Variants in HMGA2 observed in about 807,000 individuals in gnomAD.
The protein encoded by HMGA2 is high mobility group protein HMGI-C.
HMGA2 carries 8 observed loss-of-function variants against 19.1 expected under a neutral mutation model. That is an observed-to-expected ratio of 0.42 (90% CI 0.25 to 0.76). HMGA2 has a LOEUF of 0.76. Among genes scored for constraint, HMGA2 ranks in the 30% least tolerant of loss-of-function variants. The pLI, the probability that HMGA2 is intolerant of heterozygous loss-of-function variation, is 0.28. For synonymous variants in HMGA2, 60 were observed against 48.8 expected (o/e 1.23, Z -0.96); for missense variants, 109 against 136.3 (o/e 0.80, Z 1.00).
intron 2 of HMGA2, among the ~76,000 whole-genome samples, chr12:65,833,846 AT>A (rs1235718725): frequency 3.9e-5 from 6 of 152,194 alleles, no homozygotes; most frequent in Admixed American, 3.3e-4. Context: ...CTGAAGTAAG[AT>A]AATGCTTGGA....
chr12:65,900,702 G>A (rs1874336529), intron 3 of HMGA2, among the ~76,000 whole-genome samples: 1 of 152,146 alleles, frequency 6.6e-6, no homozygotes, highest in South Asian at 2.1e-4. Context: ...CCCAATTTTT[G>A]TAGTACAAGC....
chr12:65,889,443 T>C (rs779749311), intron 3 of HMGA2, among the ~76,000 whole-genome samples: 9 of 152,222 alleles, frequency 5.9e-5, no homozygotes, highest in African/African-American at 4.8e-5. Context: ...ACATATCTAA[T>C]AGGTAAATAT....
At chr12:65,935,105 C>T (rs1003176018) in intron 3 of HMGA2, 4 of 152,092 alleles carry the variant, frequency 2.6e-5, no homozygotes, top group African/African-American at 9.7e-5. Context: ...GGCTTTGCAT[C>T]CTGAAGATAC....
intron 3 of HMGA2, among the ~76,000 whole-genome samples, chr12:65,909,605 A>C (rs1290591787): frequency 3.9e-5 from 6 of 152,172 alleles, no homozygotes; most frequent in Non-Finnish European, 7.3e-5. Flanking sequence ...ACCAACCAAC[A>C]AAGAAAAAAA....
rs1447800018 is a variant in HMGA2 at position 65,893,994 on chromosome 12, A to G, written c.249+55425A>G. On this transcript the variant is annotated intron_variant, in intron 3 of 4. Transcript: ENST00000403681. ...CTTTAGTACTATAAAGAAATGATACATAGAGGGGAGTAAAAACTTGTCTAG... is the reference window on the plus strand; with the variant it reads ...CTTTAGTACTATAAAGAAATGATACGTAGAGGGGAGTAAAAACTTGTCTAG... Among the ~76,000 whole-genome samples the G allele has an allele frequency of 3.4e-4, 52 of 152,202 alleles. 2 individuals are homozygous for G. The highest frequency in any genetic ancestry group is 3.4e-3 in the Admixed American group (52 of 15,280).
chr12:65,953,625 C>G (rs1876526649), intron 4 of HMGA2: 1 of 152,246 alleles, frequency 6.6e-6, no homozygotes, highest in Middle Eastern at 3.4e-3. Context: ...AAAGAAGCCA[C>G]AAGTGGATTG....
intron 3 of HMGA2, among the ~76,000 whole-genome samples, chr12:65,866,638 A>C (rs561771182): frequency 6.6e-6 from 1 of 152,290 alleles, no homozygotes; most frequent in East Asian, 1.9e-4. Flanking sequence ...TTTTTGTGAT[A>C]CCCATGTAAC....
At chr12:65,907,374 C>T (rs1341426378) in intron 3 of HMGA2, among the ~76,000 whole-genome samples, 2 of 146,514 alleles carry the variant, frequency 1.4e-5, no homozygotes, top group Admixed American at 6.9e-5. Flanking sequence ...CATGCCACTA[C>T]ACTCCAGCCT....
intron 3 of HMGA2, among the ~76,000 whole-genome samples, chr12:65,912,216 G>T (rs1465191094): frequency 6.6e-6 from 1 of 151,938 alleles, no homozygotes; most frequent in African/African-American, 2.4e-5. Flanking sequence ...ATATTATTTT[G>T]GTAAGCTAAT....
Position 65,859,493 on chromosome 12 carries a change from A to G in HMGA2, c.249+20924A>G, listed in dbSNP as rs1292951409. 3.3e-5 allele frequency: 5 copies of G among 152,186 alleles called. No individual in the cohort carries two copies. The East Asian group carries it at 7.7e-4, about 23-fold the overall frequency. The allele number at this position is 152,186 out of a possible 1,614,324, so 9.4% of individuals were successfully genotyped here. ...TTATATACATGTAGCCGAAAGCTCT[A>G]TTTCCAATATGGAAATAACTAAGAG... On this transcript the variant is annotated intron_variant, in intron 3 of 4. Coordinates refer to ENST00000403681, the MANE Select transcript of HMGA2 (RefSeq NM_003483.6).
At position 65,899,043 on chromosome 12, in the gene HMGA2, CAAAAA is replaced by C. The variant is rs751128412; in HGVS notation, c.250-52315_250-52311del. On this transcript the variant is annotated intron_variant, in intron 3 of 4. Coordinates refer to ENST00000403681, the MANE Select transcript of HMGA2 (RefSeq NM_003483.6). The stretch of plus-strand genomic sequence containing the variant: ...TGGGCAACAGAGCGAGACTCCGTCT[CAAAAA>C]AAAAAAAAAAAAAAAAAAAAAAAAG... Among the ~76,000 whole-genome samples, 20 of 25,352 alleles carry C rather than the reference CAAAAA, an allele frequency of 7.9e-4. No individual in the cohort carries two copies. The East Asian group carries it at 0.011, about 15-fold the overall frequency. 16.6% of individuals were successfully genotyped at this position (25,352 alleles called of 152,430 possible).
intron 3 of HMGA2, among the ~76,000 whole-genome samples, chr12:65,928,121 T>C (rs983242935): frequency 2.0e-5 from 3 of 152,092 alleles, no homozygotes; most frequent in Admixed American, 6.6e-5. Flanking sequence ...CAAACCTAGA[T>C]AGTACAGCCT....
intron 3 of HMGA2, among the ~76,000 whole-genome samples, chr12:65,852,711 C>A (rs1871536280): frequency 6.6e-6 from 1 of 152,016 alleles, no homozygotes; most frequent in South Asian, 2.1e-4. Context: ...TCAGATGTAT[C>A]ACAGAGACAT....
chr12:65,835,839 C>T (rs1870694297), intron 2 of HMGA2, among the ~76,000 whole-genome samples: 1 of 152,276 alleles, frequency 6.6e-6, no homozygotes, highest in Admixed American at 6.5e-5. Flanking sequence ...TTCTCCCACC[C>T]TGACTTCACA....
chr12:65,948,079 A>G (rs532478151), intron 3 of HMGA2, among the ~76,000 whole-genome samples: 2 of 152,242 alleles, frequency 1.3e-5, no homozygotes, highest in South Asian at 4.1e-4. Flanking sequence ...TTGGTTTTAG[A>G]AAAAGATCTC....
At chr12:65,864,178 C>T (rs572267173) in intron 3 of HMGA2, among the ~76,000 whole-genome samples, 20 of 152,068 alleles carry the variant, frequency 1.3e-4, no homozygotes, top group Non-Finnish European at 2.6e-4. Context: ...GGCCCATTTC[C>T]ATCGTGCTTA....
At chr12:65,922,347 T>G (rs1041587568) in intron 3 of HMGA2, among the ~76,000 whole-genome samples, 1 of 152,132 alleles carries the variant, frequency 6.6e-6, no homozygotes, top group African/African-American at 2.4e-5. Flanking sequence ...ACCTCTTACA[T>G]CAGTATGACC....
chr12:65,920,700 C>T (rs971486581), intron 3 of HMGA2, among the ~76,000 whole-genome samples: 5 of 152,168 alleles, frequency 3.3e-5, no homozygotes, highest in African/African-American at 1.2e-4. Context: ...TAAGAAGTGC[C>T]GTTCGCCTCC....
intron 3 of HMGA2, among the ~76,000 whole-genome samples, chr12:65,902,818 G>A (rs964242076): frequency 1.3e-5 from 2 of 152,096 alleles, no homozygotes; most frequent in African/African-American, 2.4e-5. Flanking sequence ...TGAAACTCAC[G>A]GTGTGGCCTA....
Sources: gnomAD v4.1 joint callset for allele counts (sites outside exome capture counted in the v4.1 genomes callset) on GRCh38, gnomAD v4.1.1 for gene constraint, MANE v1.5 for transcripts, NCBI Gene and HGNC (gene_info 2026-07-23, HGNC 2026-07-21) for gene names.